SRGAP3: variants seen among roughly 807,000 people sequenced by gnomAD.
The protein encoded by SRGAP3 is SLIT-ROBO Rho GTPase activating protein 3, also known as SLIT-ROBO Rho GTPase-activating protein 3.
Under a neutral mutation model 121.1 loss-of-function variants are expected in SRGAP3, and 39 were observed. That is an observed-to-expected ratio of 0.32 (90% CI 0.25 to 0.42). The LOEUF (loss-of-function observed/expected upper bound fraction) is 0.42, where lower values mean the gene tolerates loss of function less well. Ranked by LOEUF, SRGAP3 falls within the 10% of genes least tolerant of loss-of-function variation. The pLI is 1.00. For synonymous variants in SRGAP3, 601 were observed against 570.0 expected, an observed-to-expected ratio of 1.05 and a Z score of -0.77; for missense variants, 1,213 against 1,470.6, an observed-to-expected ratio of 0.82 and a Z score of 2.86.
chr3:9,208,937 G>T (rs917424439), intron 1 of SRGAP3, among the ~76,000 whole-genome samples: 1 of 152,214 alleles, frequency 6.6e-6, no homozygotes, highest in African/African-American at 2.4e-5. Flanking sequence ...ATTATTACCA[G>T]CAAGGGGCCA....
chr3:9,029,000 C>A (rs1944346567), intron 12 of SRGAP3, among the ~76,000 whole-genome samples: 1 of 152,152 alleles, frequency 6.6e-6, no homozygotes, highest in Non-Finnish European at 1.5e-5. Flanking sequence ...GAGCACTTGT[C>A]CCATCCAGGC....
At chr3:9,080,439 G>A (rs977699617) in intron 3 of SRGAP3, among the ~76,000 whole-genome samples, 2 of 152,310 alleles carry the variant, frequency 1.3e-5, no homozygotes, top group African/African-American at 2.4e-5. Flanking sequence ...TATGACCAGG[G>A]TCTGAGCTCC....
chr3:9,021,860 C>T (rs1439846165), intron 14 of SRGAP3, among the ~76,000 whole-genome samples: 3 of 152,070 alleles, frequency 2.0e-5, no homozygotes, highest in African/African-American at 4.8e-5. Flanking sequence ...GAGGTTGAGG[C>T]GGGTGCGTCG....
At chr3:9,314,585 T>C (rs1574996668) in intron 3 of SRGAP3, among the ~76,000 whole-genome samples, 1 of 152,144 alleles carries the variant, frequency 6.6e-6, no homozygotes. Flanking sequence ...GATGTAATAC[T>C]GGGTGAGTTT....
At chr3:9,252,375 C>T (rs1054851466), upstream of SRGAP3, among the ~76,000 whole-genome samples, 4 of 152,032 alleles carry the variant, frequency 2.6e-5, no homozygotes, top group African/African-American at 9.7e-5. Flanking sequence ...CTCAGCCTCC[C>T]GAAGTACTGG....
chr3:9,304,863 G>A (rs1445096290), intron 3 of SRGAP3, among the ~76,000 whole-genome samples: 1 of 152,152 alleles, frequency 6.6e-6, no homozygotes, highest in Non-Finnish European at 1.5e-5. Flanking sequence ...TAATGAAACT[G>A]ACATCTGACA....
intron 3 of SRGAP3, among the ~76,000 whole-genome samples, chr3:9,258,784 C>G (rs190723777): frequency 1.9e-4 from 29 of 152,296 alleles, no homozygotes; most frequent in Non-Finnish European, 3.7e-4. Flanking sequence ...TCTCCGTGAT[C>G]CCAAGGCCTC....
At position 9,026,954 on chromosome 3, in the gene SRGAP3, G is replaced by A. The variant is rs1944236625; in HGVS notation, c.1581C>T (p.Ile527=). The A allele has an allele frequency of 2.5e-6, 4 of 1,614,182 alleles. No individual in the cohort carries two copies. Among genetic ancestry groups the A allele is most frequent in the Middle Eastern group, 3.3e-4 (2 of 6,062 alleles). ...GCTTACCATATAAATTGATGTAACG[G>A]ATGCAGCTCTCGACTACAAGCGGTA... ...QAIPLVVESC[I]RYINLYGLQQ... is the part of the protein sequence containing the mutation. Residue 527 remains isoleucine (I), a synonymous_variant, in exon 13 of 22, where the codon ATC becomes ATT. Transcript: ENST00000383836.
intron 3 of SRGAP3, among the ~76,000 whole-genome samples, chr3:9,289,554 C>G (rs564897387): frequency 6.6e-6 from 1 of 152,318 alleles, no homozygotes; most frequent in African/African-American, 2.4e-5. Flanking sequence ...TAACAGTTTA[C>G]TTGTAGTTAC....
chr3:9,181,780 C>T (rs1951410821), intron 1 of SRGAP3, among the ~76,000 whole-genome samples: 1 of 152,244 alleles, frequency 6.6e-6, no homozygotes, highest in Non-Finnish European at 1.5e-5. Flanking sequence ...CCAGGATAAT[C>T]TCCATCTTTT....
intron 1 of SRGAP3, among the ~76,000 whole-genome samples, chr3:9,331,577 A>C (rs1955609210): frequency 6.6e-6 from 1 of 152,232 alleles, no homozygotes. Flanking sequence ...TAGACTAAAA[A>C]GACTTGGCCA....
intron 3 of SRGAP3, among the ~76,000 whole-genome samples, chr3:9,292,188 G>A (rs980292837): frequency 2.0e-5 from 3 of 152,172 alleles, no homozygotes; most frequent in African/African-American, 4.8e-5. Context: ...AAACTGTAGC[G>A]TGCATCAGAA....
At position 8,990,745 on chromosome 3, in the gene SRGAP3, T is replaced by C. The variant is rs1941998989; in HGVS notation, c.2653A>G (p.Thr885Ala). Residue 885 changes from threonine (T) to alanine (A), a missense_variant, in exon 21 of 22, where the codon ACA becomes GCA. By Grantham distance (58) the Thr-to-Ala change is moderately conservative (BLOSUM62 0). Coordinates refer to ENST00000383836, the MANE Select transcript of SRGAP3 (RefSeq NM_014850.4). ...PPRGLGPSIDTPPRAAACPSS... is the reference protein window; with the variant it reads ...PPRGLGPSIDAPPRAAACPSS... Reference sequence around the variant, plus strand: ...GGGCAGGCAGCAGCCCGGGGTGGTGTGTCTATGCTGGGGCCCAGGCCCCGG... The same window carrying C: ...GGGCAGGCAGCAGCCCGGGGTGGTGCGTCTATGCTGGGGCCCAGGCCCCGG... 1 of 1,610,090 alleles carries C rather than the reference T, an allele frequency of 6.2e-7. No individual in the cohort carries two copies. Among genetic ancestry groups the C allele is most frequent in the Non-Finnish European group, 8.5e-7 (1 of 1,178,506 alleles).
intron 1 of SRGAP3, among the ~76,000 whole-genome samples, chr3:9,231,892 A>G (rs1209805266): frequency 6.6e-6 from 1 of 152,226 alleles, no homozygotes; most frequent in Non-Finnish European, 1.5e-5. Flanking sequence ...ATGCAGAATG[A>G]AGAATGCAGA....
chr3:9,357,633 A>T (rs149810458), intron 1 of SRGAP3, among the ~76,000 whole-genome samples: 148 of 151,672 alleles, frequency 9.8e-4, no homozygotes, highest in Non-Finnish European at 1.8e-3. Flanking sequence ...TGGGCCTTAC[A>T]TTAGAGCCTA....
intron 1 of SRGAP3, among the ~76,000 whole-genome samples, chr3:9,351,390 A>C (rs1463194469): frequency 6.6e-6 from 1 of 152,206 alleles, no homozygotes; most frequent in African/African-American, 2.4e-5. Context: ...TGTTCCTGAA[A>C]GGCTAAATAT....
intron 18 of SRGAP3, chr3:9,007,698 C>T (rs779970186): frequency 4.6e-5 from 7 of 152,106 alleles, no homozygotes; most frequent in Non-Finnish European, 8.8e-5. Flanking sequence ...TCATTTTAAC[C>T]CATGCCATAA....
intron 17 of SRGAP3, among the ~76,000 whole-genome samples, 176 bp downstream of exon 17, chr3:9,013,132 G>A (rs1486883228): frequency 3.3e-5 from 5 of 152,172 alleles, no homozygotes; most frequent in South Asian, 2.1e-4. Context: ...GTAACCAAGA[G>A]AATCCTAACT....
chr3:9,116,572 G>A (rs1948813711), intron 2 of SRGAP3, among the ~76,000 whole-genome samples: 1 of 152,124 alleles, frequency 6.6e-6, no homozygotes, highest in Non-Finnish European at 1.5e-5. Flanking sequence ...CCAACAGCAG[G>A]GGCTTCACCA....
Sources: gnomAD v4.1 joint callset for allele counts (sites outside exome capture counted in the v4.1 genomes callset) on GRCh38, gnomAD v4.1.1 for gene constraint, MANE v1.5 for transcripts, NCBI Gene and HGNC (gene_info 2026-07-23, HGNC 2026-07-21) for gene names.